ANKRD30BL: variants seen among roughly 807,000 people sequenced by gnomAD.
The protein encoded by ANKRD30BL is putative ankyrin repeat domain-containing protein 30B-like.
In ANKRD30BL, 20 loss-of-function variants were observed where a neutral mutation model predicts 18.4. The ratio of observed to expected loss-of-function variants is 1.09; its 90% CI spans 0.77 to 1.58. The LOEUF is 1.58. Ranked by LOEUF, ANKRD30BL falls within the 40% of genes most tolerant of loss-of-function variation. The pLI, the probability that ANKRD30BL is intolerant of heterozygous loss-of-function variation, is 0.00. For missense variants in ANKRD30BL, 224 were observed against 268.6 expected, an observed-to-expected ratio of 0.83 and a Z score of 1.16; for synonymous variants, 72 against 100.9, an observed-to-expected ratio of 0.71 and a Z score of 1.72.
intron 1 of ANKRD30BL, among the ~76,000 whole-genome samples, chr2:132,205,983 C>A (rs773679126): frequency 4.6e-5 from 7 of 151,968 alleles, no homozygotes; most frequent in Non-Finnish European, 1.0e-4. Flanking sequence ...AGATGTGAAA[C>A]CCCATCTCTA....
chr2:132,201,663 G>A (rs1679101068), intron 1 of ANKRD30BL, among the ~76,000 whole-genome samples: 1 of 152,182 alleles, frequency 6.6e-6, no homozygotes, highest in Admixed American at 6.5e-5. Flanking sequence ...AGAGGATGTG[G>A]AGAAATAGGA....
intron 1 of ANKRD30BL, among the ~76,000 whole-genome samples, chr2:132,240,461 T>C (rs1680284910): frequency 6.6e-6 from 1 of 151,740 alleles, no homozygotes. Context: ...TTGGAACGCT[T>C]TGAGGCCCAT....
chr2:132,247,259 T>C (rs1163547903), intron 1 of ANKRD30BL, among the ~76,000 whole-genome samples: 1 of 152,038 alleles, frequency 6.6e-6, no homozygotes, highest in East Asian at 1.9e-4. Flanking sequence ...ACTCTCTTTT[T>C]GTAGTATCTG....
In ANKRD30BL at chr2:132,219,742, G is replaced by A. The variant is rs199773368; in HGVS notation, n.441+37787C>T. Among the ~76,000 whole-genome samples the A allele has an allele frequency of 1.3e-4, 20 of 152,118 alleles. No individual in the cohort carries two copies. The East Asian group carries it at 3.7e-3, about 28-fold the overall frequency. On this transcript the variant is annotated intron_variant and non_coding_transcript_variant, in intron 1 of 4. Coordinates refer to the ANKRD30BL transcript ENST00000470729. ...ACAGAGTTGAACCTTTTTTTTGATAGAGCAGTTTTGAAACACTCTTTCTGT... is the reference window on the plus strand; with the variant it reads ...ACAGAGTTGAACCTTTTTTTTGATAAAGCAGTTTTGAAACACTCTTTCTGT...
chr2:132,232,773 C>G (rs886392826), intron 1 of ANKRD30BL, among the ~76,000 whole-genome samples: 2 of 151,936 alleles, frequency 1.3e-5, no homozygotes, highest in African/African-American at 2.4e-5. Flanking sequence ...AGGATATTAC[C>G]CAGGAGAACT....
At chr2:132,188,345 G>A (rs1678750799) in intron 1 of ANKRD30BL, among the ~76,000 whole-genome samples, 1 of 152,180 alleles carries the variant, frequency 6.6e-6, no homozygotes, top group African/African-American at 2.4e-5. Context: ...TTAGAATTGT[G>A]CTATTTTCAG....
intron 1 of ANKRD30BL, among the ~76,000 whole-genome samples, chr2:132,217,464 A>G (rs1487393972): frequency 6.6e-6 from 1 of 152,124 alleles, no homozygotes; most frequent in Non-Finnish European, 1.5e-5. Context: ...AATCATTTTC[A>G]GAAACTTCTT....
At chr2:132,216,806 T>C (rs1573852862) in intron 1 of ANKRD30BL, among the ~76,000 whole-genome samples, 1 of 152,212 alleles carries the variant, frequency 6.6e-6, no homozygotes, top group South Asian at 2.1e-4. Flanking sequence ...ATGTGTACAT[T>C]CAACTCACAG....
At chr2:132,231,831 C>G (rs1381703973) in intron 1 of ANKRD30BL, among the ~76,000 whole-genome samples, 1 of 152,232 alleles carries the variant, frequency 6.6e-6, no homozygotes, top group Non-Finnish European at 1.5e-5. Flanking sequence ...CTGGGTGGAG[C>G]CCACCACAGC....
At chr2:132,175,824 G>A (rs1688358628) in intron 1 of ANKRD30BL, among the ~76,000 whole-genome samples, 1 of 152,184 alleles carries the variant, frequency 6.6e-6, no homozygotes, top group African/African-American at 2.4e-5. Context: ...ATCCTGCACA[G>A]CCCTAGATCC....
chr2:132,160,584 G>A (rs1202007848), intron 1 of ANKRD30BL, among the ~76,000 whole-genome samples: 5 of 151,216 alleles, frequency 3.3e-5, no homozygotes, highest in African/African-American at 2.4e-5. Flanking sequence ...GACTACAGGC[G>A]CCCACCACCA....
chr2:132,162,251 C>T (rs1044337917), upstream of ANKRD30BL, among the ~76,000 whole-genome samples: 2 of 152,316 alleles, frequency 1.3e-5, no homozygotes, highest in Non-Finnish European at 2.9e-5. Context: ...AGGGACCCAT[C>T]CCTGACTTAG....
chr2:132,232,893 C>T (rs967663456), intron 1 of ANKRD30BL, among the ~76,000 whole-genome samples: 3 of 151,918 alleles, frequency 2.0e-5, no homozygotes, highest in African/African-American at 7.3e-5. Context: ...TCAGATTCAT[C>T]AAAGTTGAAA....
At chr2:132,240,288 A>C (rs1248486235) in intron 1 of ANKRD30BL, among the ~76,000 whole-genome samples, 1 of 151,474 alleles carries the variant, frequency 6.6e-6, no homozygotes, top group African/African-American at 2.4e-5. Context: ...ATATTTGGAC[A>C]GCATTGAGGA....
chr2:132,214,506 C>CA (rs57379754), intron 1 of ANKRD30BL, among the ~76,000 whole-genome samples: 6,510 of 150,234 alleles, frequency 0.043, 490 homozygotes, highest in African/African-American at 0.15. Flanking sequence ...TATCTTCACA[C>CA]AAAAAAAAGA....
chr2:132,157,209 G>A (rs1402925293), intron 2 of ANKRD30BL, 63 bp from the exon 3 acceptor site: 5 of 1,205,720 alleles, frequency 4.1e-6, no homozygotes, highest in South Asian at 3.3e-5. Flanking sequence ...ATATTCCACA[G>A]GTTTCACAAA....
intron 3 of ANKRD30BL, chr2:132,155,806 G>A (rs1229051919): frequency 6.6e-6 from 1 of 151,566 alleles, no homozygotes; most frequent in African/African-American, 2.4e-5. Flanking sequence ...GGCTGAGGCA[G>A]GAGAATCGCT....
rs147516048 is a variant in ANKRD30BL, at chr2:132,161,935, A to C, written c.-230T>G. The stretch of plus-strand genomic sequence containing the variant: ...AGGCACCTGAGCAGAACCTTTAGGC[A>C]GCTGAGCAGAACCGTTAGGCAACAG... On this transcript the variant is annotated 5_prime_UTR_variant, in exon 1 of 6. Coordinates refer to ENST00000409867, the MANE Select transcript of ANKRD30BL (RefSeq NM_001358416.1). 3,542 of 531,714 alleles carry C rather than the reference A, an allele frequency of 6.7e-3. 97 individuals carry two copies. The highest frequency in any genetic ancestry group is 0.06 in the African/African-American group (3,144 of 52,330). 32.9% of individuals were successfully genotyped at this position (531,714 alleles called of 1,614,324 possible).
chr2:132,163,185 T>G (rs1365139458), upstream of ANKRD30BL, among the ~76,000 whole-genome samples: 2 of 152,174 alleles, frequency 1.3e-5, no homozygotes, highest in Non-Finnish European at 2.9e-5. Flanking sequence ...GTGCAGGACC[T>G]CATGCCTGTA....
Sources: allele counts gnomAD v4.1 joint callset (sites outside exome capture counted in the v4.1 genomes callset), GRCh38; gene constraint gnomAD v4.1.1; transcripts MANE v1.5; gene names NCBI Gene and HGNC (gene_info 2026-07-23, HGNC 2026-07-21).